The following DENND1B variants were observed in gnomAD, a reference collection of about 807,000 sequenced individuals.
DENND1B encodes DENN domain-containing protein 1B.
DENND1B carries 59 observed loss-of-function variants against 90.1 expected under a neutral mutation model. The observed-to-expected ratio is 0.65, with a 90% CI of 0.53 to 0.81. The LOEUF (loss-of-function observed/expected upper bound fraction) is 0.81. Ranked by LOEUF, DENND1B falls within the 40% of genes least tolerant of loss-of-function variation. DENND1B has a pLI of 0.00. For missense variants in DENND1B, 862 were observed against 912.6 expected (o/e 0.94, Z 0.71); for synonymous variants, 337 against 324.6 (o/e 1.04, Z -0.41).
intron 2 of DENND1B, among the ~76,000 whole-genome samples, chr1:197,727,416 T>C (rs967827271): frequency 5.3e-5 from 8 of 151,616 alleles, no homozygotes; most frequent in African/African-American, 1.9e-4. Flanking sequence ...GCACCTGTAG[T>C]CCCAGCTACT....
chr1:197,523,020 A>G (rs1214914219), intron 20 of DENND1B, among the ~76,000 whole-genome samples: 4 of 152,198 alleles, frequency 2.6e-5, no homozygotes, highest in African/African-American at 7.2e-5. Flanking sequence ...TTTATTTCCA[A>G]TTGAGGTAAC....
chr1:197,545,864 C>T, intron 18 of DENND1B, 58 bp downstream of exon 18: 1 of 1,391,848 alleles, frequency 7.2e-7, no homozygotes, highest in Non-Finnish European at 9.9e-7. Flanking sequence ...ATGTCTATCA[C>T]CTAGGAAAAT....
At chr1:197,688,230 C>A (rs1451375034) in intron 3 of DENND1B, among the ~76,000 whole-genome samples, 1 of 152,030 alleles carries the variant, frequency 6.6e-6, no homozygotes, top group African/African-American at 2.4e-5. Flanking sequence ...AACATCATTA[C>A]CATAGCCATA....
Position 197,536,148 on chromosome 1 carries a change from G to T in DENND1B, c.1515+3816C>A, listed in dbSNP as rs1411847578. ...AGGGAGAGAGAGAGATTGAGAGAGA[G>T]AGAGAGAGAGATAGATGAGATGAGA... On this transcript the variant is annotated intron_variant, in intron 20 of 22. Transcript: ENST00000620048. Among the ~76,000 whole-genome samples, 366 of 115,818 alleles carry T rather than the reference G, an allele frequency of 3.2e-3. 4 individuals carry two copies. The highest frequency in any genetic ancestry group is 0.011 in the African/African-American group (328 of 28,642). 76.0% of individuals were successfully genotyped at this position (115,818 alleles called of 152,430 possible). A position where few individuals can be genotyped will look rare whatever the true frequency, so the allele number is the denominator to read the frequency against.
chr1:197,692,523 T>C (rs754347632), intron 3 of DENND1B, among the ~76,000 whole-genome samples: 1 of 151,824 alleles, frequency 6.6e-6, no homozygotes, highest in Non-Finnish European at 1.5e-5. Context: ...TAATATTTTG[T>C]TACTTCTTCC....
At chr1:197,540,847 G>A in intron 19 of DENND1B, 112 bp downstream of exon 19, 1 of 965,562 alleles carries the variant, frequency 1.0e-6, no homozygotes, top group South Asian at 1.6e-5. Flanking sequence ...CTTGAACAAA[G>A]GGCTAAGCAT....
At chr1:197,734,616 T>A (rs938723710) in intron 2 of DENND1B, 41 of 791,404 alleles carry the variant, frequency 5.2e-5, no homozygotes, top group African/African-American at 4.0e-4. Flanking sequence ...ATTCGTAATT[T>A]AAAAAAAAAA....
chr1:197,660,325 A>G (rs1334161615), intron 5 of DENND1B, among the ~76,000 whole-genome samples: 2 of 152,052 alleles, frequency 1.3e-5, no homozygotes, highest in African/African-American at 4.8e-5. Flanking sequence ...CCCAGAACTT[A>G]AAGTATAATA....
intron 5 of DENND1B, among the ~76,000 whole-genome samples, chr1:197,659,659 T>C (rs1469924065): frequency 6.6e-6 from 1 of 151,896 alleles, no homozygotes; most frequent in Non-Finnish European, 1.5e-5. Context: ...GATGACTTTG[T>C]AAATATGGTA....
intron 9 of DENND1B, among the ~76,000 whole-genome samples, chr1:197,645,299 T>A (rs971098673): frequency 6.6e-6 from 1 of 152,102 alleles, no homozygotes; most frequent in Admixed American, 6.6e-5. Flanking sequence ...TAATGATTTG[T>A]GTGAAGACAT....
intron 10 of DENND1B, among the ~76,000 whole-genome samples, chr1:197,629,122 T>C (rs867583113): frequency 2.8e-4 from 42 of 152,306 alleles, no homozygotes; most frequent in Middle Eastern, 6.8e-3. Context: ...AGTGTGGCGA[T>C]TCCTCAGGGA....
At chr1:197,673,571 C>G (rs1441628967) in intron 4 of DENND1B, among the ~76,000 whole-genome samples, 1 of 152,048 alleles carries the variant, frequency 6.6e-6, no homozygotes, top group Admixed American at 6.6e-5. Context: ...AATTTCAACT[C>G]TATGCAATTT....
Position 197,651,758 on chromosome 1 carries a change from C to T in DENND1B, c.447+477G>A, listed in dbSNP as rs573434960. Reference sequence around the variant, plus strand: ...GCAAGCTCCGCCTCCCGGGTTCACGCCATTCTCCTGCCTCAGCCTCCTGAG... The same window carrying T: ...GCAAGCTCCGCCTCCCGGGTTCACGTCATTCTCCTGCCTCAGCCTCCTGAG... On this transcript the variant is annotated intron_variant, in intron 7 of 22. Coordinates refer to ENST00000620048, the MANE Select transcript of DENND1B (RefSeq NM_001195215.2). Among the ~76,000 whole-genome samples the T allele has an allele frequency of 9.4e-5, 14 of 149,492 alleles. No homozygotes were observed. The South Asian group carries it at 2.3e-3, about 25-fold the overall frequency.
In DENND1B at chr1:197,505,880, C is replaced by G. The variant is rs1667706237; in HGVS notation, c.*4580G>C. 1.3e-5 allele frequency: 2 copies of G among 150,714 alleles called. No individual in the cohort carries two copies. The highest frequency in any genetic ancestry group is 4.9e-5 in the African/African-American group (2 of 41,168). 9.3% of individuals were successfully genotyped at this position (150,714 alleles called of 1,614,324 possible). A position where few individuals can be genotyped will look rare whatever the true frequency, so the allele number is the denominator to read the frequency against. ...TCTGTTAAATGTACACATGTAGAATCAGCAATTTGTACCGTATATATTTCT... is the reference window on the plus strand; with the variant it reads ...TCTGTTAAATGTACACATGTAGAATGAGCAATTTGTACCGTATATATTTCT... On this transcript the variant is annotated 3_prime_UTR_variant, in exon 23 of 23. Transcript: ENST00000620048.
chr1:197,681,182 T>C (rs978946232), intron 3 of DENND1B, among the ~76,000 whole-genome samples: 3 of 152,252 alleles, frequency 2.0e-5, no homozygotes, highest in African/African-American at 4.8e-5. Flanking sequence ...CTTTTGAAGA[T>C]TTTTTCATGC....
At chr1:197,557,728 C>T (rs1041732006) in intron 15 of DENND1B, among the ~76,000 whole-genome samples, 5 of 151,828 alleles carry the variant, frequency 3.3e-5, no homozygotes, top group Non-Finnish European at 7.4e-5. Flanking sequence ...GAGAAGAATG[C>T]TGAATTTAAC....
Position 197,546,766 on chromosome 1 carries a change from C to T in DENND1B, c.1248G>A (p.Pro416=), listed in dbSNP as rs773113167. 111 of 1,544,530 alleles carry T rather than the reference C, an allele frequency of 7.2e-5. No individual in the cohort carries two copies. The highest frequency in any genetic ancestry group is 8.8e-5 in the Non-Finnish European group (101 of 1,145,430). ...ITSGGFCGGN[P]RSYQQWVHTV... is the part of the protein sequence containing the mutation. ...TATGCACCCATTGTTGATATGACCT[C>T]GGGTTCCCTGGAATATATAAAAATG... The change falls in exon 17 of 23, where the codon CCG becomes CCA. Residue 416 remains proline (P), a synonymous_variant. Transcript: ENST00000620048.
Position 197,735,179 on chromosome 1 carries a change from T to C in DENND1B, c.83-20105A>G, listed in dbSNP as rs1662526144. On this transcript the variant is annotated intron_variant, in intron 2 of 22. Coordinates refer to ENST00000620048, the MANE Select transcript of DENND1B (RefSeq NM_001195215.2). ...AACAGAAAGGTACAAAAAACAATAT[T>C]GAATGGGTCCAACATGCCTACCATT... 3 of 1,000,698 alleles carry C rather than the reference T, an allele frequency of 3.0e-6. No individual in the cohort carries two copies. The African/African-American group carries it at 5.2e-5, about 17-fold the overall frequency. 62.0% of individuals were successfully genotyped at this position (1,000,698 alleles called of 1,614,324 possible).
At chr1:197,759,921 A>C (rs1654811457) in intron 2 of DENND1B, among the ~76,000 whole-genome samples, 1 of 152,202 alleles carries the variant, frequency 6.6e-6, no homozygotes, top group Middle Eastern at 3.4e-3. Context: ...GCAATACATA[A>C]ATAATTTTTG....
Sources: allele counts gnomAD v4.1 joint callset (sites outside exome capture counted in the v4.1 genomes callset), GRCh38; gene constraint gnomAD v4.1.1; transcripts MANE v1.5; gene names NCBI Gene and HGNC (gene_info 2026-07-23, HGNC 2026-07-21).